The following APC variants were observed in gnomAD, a reference collection of about 807,000 sequenced individuals.
APC encodes adenomatous polyposis coli protein.
A neutral mutation model predicts 247.0 loss-of-function variants in APC; 72 were observed. The ratio of observed to expected loss-of-function variants is 0.29; its 90% CI spans 0.24 to 0.35. The LOEUF (loss-of-function observed/expected upper bound fraction) is 0.35, where lower values mean the gene tolerates loss of function less well. Among genes scored for constraint, APC ranks in the 10% least tolerant of loss-of-function variants. The pLI, the probability that APC is intolerant of heterozygous loss-of-function variation, is 1.00. For missense variants in APC, 3,400 were observed against 3,360.7 expected, an observed-to-expected ratio of 1.01 and a Z score of -0.29; for synonymous variants, 1,254 against 1,162.5, an observed-to-expected ratio of 1.08 and a Z score of -1.60.
Position 112,834,944 on chromosome 5 carries a change from T to C in APC, c.1744-7T>C. On this transcript the variant is annotated splice_polypyrimidine_tract_variant and splice_region_variant and intron_variant, in intron 14 of 15. Transcript: ENST00000257430. ...AATTAGATGACCCATATTCTGTTTC[T>C]TACTAGGAATCAACCCTCAAAAGCG... The C allele has an allele frequency of 6.2e-7, 1 of 1,613,164 alleles. No individual in the cohort carries two copies. Among genetic ancestry groups the C allele is most frequent in the Non-Finnish European group, 8.5e-7 (1 of 1,179,144 alleles).
At position 112,835,109 on chromosome 5, in the gene APC, T is replaced by G. The variant is rs876659460; in HGVS notation, c.1902T>G (p.Ser634Arg). 1.9e-6 allele frequency: 3 copies of G among 1,614,076 alleles called. No homozygotes were observed. ...SQTNTLAIIE[S>R]GGGILRNVSS... ...CAAACACTTTAGCCATTATTGAAAG[T>G]GGAGGTGGGATATTACGGAATGTGT... The change falls in exon 15 of 16, where the codon AGT (serine) becomes AGG (arginine). Residue 634 changes from serine (S) to arginine (R), a missense_variant. Physicochemically the swap from Ser to Arg is moderately radical, Grantham distance 110. Coordinates refer to ENST00000257430, the MANE Select transcript of APC (RefSeq NM_000038.6).
At chr5:112,831,737 A>T (rs565964452) in intron 14 of APC, among the ~76,000 whole-genome samples, 2 of 152,222 alleles carry the variant, frequency 1.3e-5, no homozygotes, top group African/African-American at 4.8e-5. Flanking sequence ...TGTCTTCTAC[A>T]TATTCTCTAC....
chr5:112,764,466 C>T (rs918956855), intron 2 of APC, among the ~76,000 whole-genome samples: 1 of 152,114 alleles, frequency 6.6e-6, no homozygotes, highest in Non-Finnish European at 1.5e-5. Context: ...GGAAGAGGTG[C>T]TAAGGATTTG....
chr5:112,781,169 G>A (rs925325081), intron 6 of APC, among the ~76,000 whole-genome samples: 3 of 152,164 alleles, frequency 2.0e-5, no homozygotes, highest in South Asian at 4.1e-4. Flanking sequence ...GTGGTCTTCC[G>A]GTAGCTAATG....
rs149730251 is a variant in APC, at chr5:112,713,457, G to A, written c.165+5575G>A. On this transcript the variant is annotated intron_variant, in intron 1 of 13. Coordinates refer to the APC transcript ENST00000507379. ...CCCTCTTTCCGATGTCCATCCTGGC[G>A]TGCCGCTGCTTTAATTACGAGGAGG... Among the ~76,000 whole-genome samples, 367 of 152,228 alleles carry A rather than the reference G, an allele frequency of 2.4e-3. 2 individuals are homozygous for A. Among genetic ancestry groups the A allele is most frequent in the African/African-American group, 8.6e-3 (357 of 41,520 alleles).
intron 5 of APC, among the ~76,000 whole-genome samples, chr5:112,778,893 CTT>C (rs1482227330): frequency 6.6e-6 from 1 of 152,204 alleles, no homozygotes; most frequent in Non-Finnish European, 1.5e-5. Flanking sequence ...AACGTACTCT[CTT>C]AGCTTAGATT....
At chr5:112,822,054 A>G in intron 11 of APC, 63 bp downstream of exon 11, 4 of 1,093,124 alleles carry the variant, frequency 3.7e-6, no homozygotes, top group Non-Finnish European at 5.5e-6. Flanking sequence ...ATCATGGTAG[A>G]AATTCAGTAT....
chr5:112,768,512 T>A (rs956268778), intron 4 of APC, among the ~76,000 whole-genome samples: 1 of 151,202 alleles, frequency 6.6e-6, no homozygotes, highest in African/African-American at 2.4e-5. Flanking sequence ...ATGAAATACT[T>A]CTTTTTTTTT....
At chr5:112,761,179 T>C (rs1755627144) in intron 2 of APC, among the ~76,000 whole-genome samples, 1 of 152,168 alleles carries the variant, frequency 6.6e-6, no homozygotes, top group Non-Finnish European at 1.5e-5. Context: ...AGGCAGACTC[T>C]CTAGAGGAAA....
In APC at chr5:112,838,631, C is replaced by T. The variant is rs2149882847; in HGVS notation, c.3037C>T (p.His1013Tyr). ...DLAHKIHSANHMDDNDGELDT... is the reference protein window; with the variant it reads ...DLAHKIHSANYMDDNDGELDT... The stretch of plus-strand genomic sequence containing the variant: ...AGCCCATAAAATACATAGTGCAAAT[C>T]ATATGGATGATAATGATGGAGAACT... Residue 1013 changes from histidine (H) to tyrosine (Y), a missense_variant, in exon 16 of 16, where the codon CAT becomes TAT. Transcript: ENST00000257430. The T allele has an allele frequency of 1.9e-6, 3 of 1,614,032 alleles. No homozygotes were observed. The highest frequency in any genetic ancestry group is 2.5e-6 in the Non-Finnish European group (3 of 1,179,970).
At chr5:112,753,163 C>G (rs1754566021) in intron 1 of APC, among the ~76,000 whole-genome samples, 1 of 152,108 alleles carries the variant, frequency 6.6e-6, no homozygotes. Flanking sequence ...CTACCTCTGT[C>G]ATATGGTTTA....
At chr5:112,825,574 A>T (rs1394397485) in intron 11 of APC, among the ~76,000 whole-genome samples, 1 of 152,148 alleles carries the variant, frequency 6.6e-6, no homozygotes, top group African/African-American at 2.4e-5. Flanking sequence ...TCATCTGGCC[A>T]GACCTGATGG....
At chr5:112,761,512 G>A (rs566134872) in intron 2 of APC, among the ~76,000 whole-genome samples, 1 of 152,262 alleles carries the variant, frequency 6.6e-6, no homozygotes, top group South Asian at 2.1e-4. Flanking sequence ...CTTAACAGCA[G>A]GCTGAACACT....
rs202161017 is a variant in APC at position 112,767,388 on chromosome 5, G to C, written c.420G>C (p.Glu140Asp). 2 of 1,612,752 alleles carry C rather than the reference G, an allele frequency of 1.2e-6. No individual in the cohort carries two copies. The highest frequency in any genetic ancestry group is 1.7e-6 in the Non-Finnish European group (2 of 1,178,820). The change falls in exon 4 of 16, where the codon GAG (glutamate) becomes GAC (aspartate). Residue 140 changes from glutamate (E) to aspartate (D), a missense_variant and splice_region_variant. Physicochemically the swap from Glu to Asp is conservative, Grantham distance 45. Coordinates refer to ENST00000257430, the MANE Select transcript of APC (RefSeq NM_000038.6). ...STGYLEELEKERSLLLADLDK... is the reference protein window; with the variant it reads ...STGYLEELEKDRSLLLADLDK... ...GATATTTAGAAGAACTTGAGAAAGAGAGGTAACTTTTCTTCATATAGTAAA... is the reference window on the plus strand; with the variant it reads ...GATATTTAGAAGAACTTGAGAAAGACAGGTAACTTTTCTTCATATAGTAAA...
chr5:112,708,000 T>A, intron 1 of APC: 2 of 1,048,046 alleles, frequency 1.9e-6, no homozygotes, highest in Non-Finnish European at 2.5e-6. Context: ...TCTCTCCATG[T>A]CTCACCCTCT....
intron 2 of APC, among the ~76,000 whole-genome samples, chr5:112,762,063 A>G (rs1204570209): frequency 2.6e-5 from 4 of 152,282 alleles, no homozygotes; most frequent in Middle Eastern, 3.4e-3. Context: ...CAAAAAGACA[A>G]TCCAGTTTTT....
chr5:112,768,466 T>G (rs1159481591), intron 4 of APC, among the ~76,000 whole-genome samples: 1 of 151,622 alleles, frequency 6.6e-6, no homozygotes, highest in Non-Finnish European at 1.5e-5. Context: ...AAGATGACTC[T>G]TTTCATTATG....
intron 4 of APC, among the ~76,000 whole-genome samples, chr5:112,770,532 A>C (rs899183914): frequency 6.6e-6 from 1 of 152,130 alleles, no homozygotes; most frequent in Admixed American, 6.5e-5. Context: ...CACTCTATAA[A>C]AAGTTGCTTT....
intron 7 of APC, among the ~76,000 whole-genome samples, chr5:112,798,981 G>T (rs1304904112): frequency 6.6e-6 from 1 of 151,938 alleles, no homozygotes; most frequent in Non-Finnish European, 1.5e-5. Flanking sequence ...AAACTGAGGT[G>T]GGCAGATCAC....
Sources: gnomAD v4.1 joint callset for allele counts (sites outside exome capture counted in the v4.1 genomes callset) on GRCh38, gnomAD v4.1.1 for gene constraint, MANE v1.5 for transcripts, NCBI Gene and HGNC (gene_info 2026-07-23, HGNC 2026-07-21) for gene names.